DMD: variants seen among roughly 807,000 people sequenced by gnomAD.
DMD encodes the protein mutant dystrophin.
DMD carries 63 observed loss-of-function variants against 330.1 expected under a neutral mutation model. That is an observed-to-expected ratio of 0.19 (90% CI 0.16 to 0.24). The LOEUF is 0.24. DMD is among the 10% of genes least tolerant of loss of function. The probability of loss-of-function intolerance (pLI) is 1.00; values close to 1 mark genes in which losing one functional copy is unlikely to be tolerated. For synonymous variants in DMD, 1,223 were observed against 959.8 expected (o/e 1.27, Z -5.07); for missense variants, 3,344 against 2,684.1 (o/e 1.25, Z -5.43).
chrX:32,542,764 G>C (rs1158028921), intron 17 of DMD, among the ~76,000 whole-genome samples: 2 of 111,868 alleles, frequency 1.8e-5, no homozygotes, highest in Non-Finnish European at 3.8e-5. Context: ...TAATGAATTT[G>C]TTCCTAAATG....
chrX:31,750,058 A>G (rs939320240), intron 51 of DMD, among the ~76,000 whole-genome samples: 2 of 110,437 alleles, frequency 1.8e-5, no homozygotes, highest in East Asian at 5.7e-4. Context: ...TTTGTCAGAT[A>G]AGCAGGTTGC....
At chrX:32,447,786 G>T (rs115289737) in intron 27 of DMD, among the ~76,000 whole-genome samples, 138 of 111,781 alleles carry the variant, frequency 1.2e-3, no homozygotes, top group African/African-American at 4.4e-3. Context: ...TCATAAGAAA[G>T]GTCATAGCTT....
intron 52 of DMD, among the ~76,000 whole-genome samples, chrX:31,723,686 G>A (rs1003726856): frequency 2.3e-4 from 22 of 94,629 alleles, no homozygotes; most frequent in African/African-American, 7.9e-4. Context: ...GCTGATATTC[G>A]TCTTCCACCC....
chrX:31,289,407 C>T (rs142156162), intron 62 of DMD, among the ~76,000 whole-genome samples: 5,658 of 109,482 alleles, frequency 0.052, 152 homozygotes, highest in Non-Finnish European at 0.083. Context: ...AAATGGAGTA[C>T]AAATTCTAAT....
chrX:31,852,173 G>A (rs1425929075), intron 48 of DMD, among the ~76,000 whole-genome samples: 4 of 111,364 alleles, frequency 3.6e-5, no homozygotes, highest in Admixed American at 1.9e-4. Flanking sequence ...CAGCAGAGGA[G>A]TGATGTGATC....
At chrX:32,542,629 A>G (rs2048590077) in intron 17 of DMD, among the ~76,000 whole-genome samples, 1 of 112,222 alleles carries the variant, frequency 8.9e-6, no homozygotes, top group Admixed American at 9.4e-5. Flanking sequence ...GTGAAATATT[A>G]GTGGGCTTCA....
At chrX:33,311,819 G>A (rs1330375760) in intron 1 of DMD, among the ~76,000 whole-genome samples, 2 of 109,852 alleles carry the variant, frequency 1.8e-5, no homozygotes, top group African/African-American at 6.6e-5. Context: ...GCAGGGAGTT[G>A]GAAGTCGGAG....
At chrX:33,085,383 G>A (rs996768697) in intron 1 of DMD, among the ~76,000 whole-genome samples, 1 of 111,346 alleles carries the variant, frequency 9.0e-6, no homozygotes, top group African/African-American at 3.3e-5. Context: ...AGTGCCACCA[G>A]TATTAATTAT....
chrX:32,801,390 T>C (rs770487414), intron 7 of DMD, among the ~76,000 whole-genome samples: 14 of 111,801 alleles, frequency 1.3e-4, no homozygotes, highest in Non-Finnish European at 2.1e-4. Context: ...GTAAATTTGT[T>C]TCTTGTAGAT....
At chrX:33,094,540 C>T (rs181428295) in intron 1 of DMD, among the ~76,000 whole-genome samples, 1,408 of 111,801 alleles carry the variant, frequency 0.013, 24 homozygotes, top group African/African-American at 0.044. Flanking sequence ...GGCGCGGTGG[C>T]TCACGCCTGT....
intron 7 of DMD, among the ~76,000 whole-genome samples, chrX:32,781,401 C>A (rs1268695942): frequency 8.9e-6 from 1 of 111,836 alleles, no homozygotes; most frequent in Admixed American, 9.5e-5. Flanking sequence ...GTTGTTTACT[C>A]TGTTAATATT....
intron 51 of DMD, among the ~76,000 whole-genome samples, chrX:31,736,831 G>C (rs1008987203): frequency 5.4e-5 from 6 of 110,709 alleles, no homozygotes; most frequent in African/African-American, 2.0e-4. Flanking sequence ...TTCCCAATTT[G>C]CATACTGGCT....
chrX:32,590,483 G>A (rs904387467), intron 13 of DMD, among the ~76,000 whole-genome samples: 1 of 111,603 alleles, frequency 9.0e-6, no homozygotes, highest in Non-Finnish European at 1.9e-5. Flanking sequence ...TGGACCAGTG[G>A]ACTGGGAGAG....
chrX:32,900,382 C>T (rs953452089), intron 2 of DMD, among the ~76,000 whole-genome samples: 15 of 111,606 alleles, frequency 1.3e-4, no homozygotes, highest in Non-Finnish European at 2.1e-4. Flanking sequence ...CACTCTGTTT[C>T]CCAGGCTGAA....
chrX:33,256,410 C>T (rs5971701), intron 1 of DMD, among the ~76,000 whole-genome samples: 12,591 of 109,746 alleles, frequency 0.11, 887 homozygotes, highest in African/African-American at 0.26. Context: ...ACCATCCTAG[C>T]GTCAAGCATG....
At chrX:31,256,741 CGTGTGTGTGTGTGTGT>C (rs35842618) in intron 63 of DMD, among the ~76,000 whole-genome samples, 2,669 of 97,924 alleles carry the variant, frequency 0.027, 29 homozygotes, top group South Asian at 0.089. Flanking sequence ...ATATGTGGGG[CGTGTGTGTGTGTGTGT>C]GTGTGTGTGT....
intron 44 of DMD, among the ~76,000 whole-genome samples, chrX:32,052,732 T>A (rs757533273): frequency 9.0e-6 from 1 of 111,032 alleles, no homozygotes; most frequent in East Asian, 2.9e-4. Flanking sequence ...ACAACGATAA[T>A]CAAATTTTAT....
intron 60 of DMD, among the ~76,000 whole-genome samples, chrX:31,379,731 A>G (rs1172912777): frequency 8.9e-6 from 1 of 112,270 alleles, no homozygotes; most frequent in African/African-American, 3.2e-5. Context: ...CCTGAACTGC[A>G]GCTGCGAGGG....
At chrX:31,149,643 T>C (rs1426819595) in intron 74 of DMD, among the ~76,000 whole-genome samples, 1 of 111,739 alleles carries the variant, frequency 8.9e-6, no homozygotes, top group East Asian at 2.8e-4. Flanking sequence ...CTTGTTACTC[T>C]TTTTTTTCCT....
Sources: allele counts gnomAD v4.1 joint callset (sites outside exome capture counted in the v4.1 genomes callset), GRCh38; gene constraint gnomAD v4.1.1; transcripts MANE v1.5; gene names NCBI Gene and HGNC (gene_info 2026-07-23, HGNC 2026-07-21).